RBFOX1: variants seen among roughly 807,000 people sequenced by gnomAD.
RBFOX1 encodes the protein RNA binding fox-1 homolog 1, also known as RNA binding protein fox-1 homolog 1.
A neutral mutation model predicts 57.7 loss-of-function variants in RBFOX1; 8 were observed. The observed-to-expected ratio is 0.14, with a 90% confidence interval of 0.08 to 0.25. The LOEUF (loss-of-function observed/expected upper bound fraction) is 0.25. RBFOX1 is among the 10% of genes least tolerant of loss of function. RBFOX1 has a pLI of 1.00. For missense variants in RBFOX1, 611 were observed against 548.5 expected, an observed-to-expected ratio of 1.11 and a Z score of -1.14; for synonymous variants, 326 against 222.4, an observed-to-expected ratio of 1.47 and a Z score of -4.15.
chr16:5,391,887 G>GTGTA lies in RBFOX1; in HGVS notation c.220-75328_220-75327insGTAT, dbSNP rs1555506707. ...TAAAGAAACTATGGTGTGTGTGTGT[G>GTGTA]TATACACACACACACACACACGCAC... On this transcript the variant is annotated intron_variant, in intron 1 of 2. Transcript: ENST00000585867. Among the ~76,000 whole-genome samples, 125 of 146,658 alleles carry GTGTA rather than the reference G, an allele frequency of 8.5e-4. 2 individuals are homozygous for GTGTA. Among genetic ancestry groups the GTGTA allele is most frequent in the African/African-American group, 2.6e-3 (98 of 38,272 alleles).
At chr16:6,468,544 T>G (rs992062083) in intron 2 of RBFOX1, among the ~76,000 whole-genome samples, 2 of 152,180 alleles carry the variant, frequency 1.3e-5, no homozygotes, top group African/African-American at 4.8e-5. Flanking sequence ...GCACCTTCTG[T>G]TTTATTCAAA....
At chr16:6,614,020 T>C (rs1015666190) in intron 2 of RBFOX1, among the ~76,000 whole-genome samples, 3 of 152,224 alleles carry the variant, frequency 2.0e-5, no homozygotes, top group Non-Finnish European at 4.4e-5. Context: ...AACCAGAGTT[T>C]TTCTTTTGTA....
chr16:5,716,273 A>G (rs2051694840), intron 3 of RBFOX1, among the ~76,000 whole-genome samples: 1 of 152,220 alleles, frequency 6.6e-6, no homozygotes, highest in Non-Finnish European at 1.5e-5. Flanking sequence ...TACCAAGCTA[A>G]TAAGTTCAGG....
Position 5,302,995 on chromosome 16 carries a change from T to C in RBFOX1, c.219+62890T>C, listed in dbSNP as rs373799011. On this transcript the variant is annotated intron_variant, in intron 1 of 2. Coordinates refer to the RBFOX1 transcript ENST00000585867. ...TTTTATTTTCTATTTGTATCCTCCATTCTTTGTTCTTCCGTTTCTCTTTTA... is the reference window on the plus strand; with the variant it reads ...TTTTATTTTCTATTTGTATCCTCCACTCTTTGTTCTTCCGTTTCTCTTTTA... 2.6e-5 allele frequency among the ~76,000 whole-genome samples: 4 copies of C among 152,380 alleles called. No homozygotes were observed. In the South Asian group the frequency reaches 8.3e-4, roughly 32 times the overall value.
At chr16:6,474,460 G>A (rs1277079159) in intron 2 of RBFOX1, among the ~76,000 whole-genome samples, 2 of 152,184 alleles carry the variant, frequency 1.3e-5, no homozygotes, top group Admixed American at 6.5e-5. Context: ...TGTTGTTCAG[G>A]TAATTTAACA....
chr16:5,659,696 G>C (rs1319468533), intron 3 of RBFOX1, among the ~76,000 whole-genome samples: 1 of 152,200 alleles, frequency 6.6e-6, no homozygotes, highest in Non-Finnish European at 1.5e-5. Context: ...TGTGAAAAAA[G>C]TGACATGATT....
intron 3 of RBFOX1, among the ~76,000 whole-genome samples, chr16:6,942,425 C>G (rs1419908230): frequency 2.2e-4 from 34 of 152,100 alleles, no homozygotes; most frequent in Non-Finnish European, 4.4e-5. Flanking sequence ...TCCCAAAATG[C>G]TGGGATTACA....
intron 1 of RBFOX1, among the ~76,000 whole-genome samples, chr16:5,259,073 A>G (rs2062662892): frequency 6.6e-6 from 1 of 152,172 alleles, no homozygotes; most frequent in Non-Finnish European, 1.5e-5. Context: ...ATGCTGATAA[A>G]GCCCATTGTC....
At chr16:5,964,708 A>T (rs2059810847) in intron 4 of RBFOX1, among the ~76,000 whole-genome samples, 2 of 152,034 alleles carry the variant, frequency 1.3e-5, no homozygotes, top group African/African-American at 4.8e-5. Flanking sequence ...TACATATAAC[A>T]TATACACTTA....
chr16:6,378,482 G>C (rs9933812), intron 2 of RBFOX1, among the ~76,000 whole-genome samples: 2,304 of 152,312 alleles, frequency 0.015, 63 homozygotes, highest in African/African-American at 0.053. Flanking sequence ...TGGTCTTGGT[G>C]TTCCATCTTG....
intron 1 of RBFOX1, among the ~76,000 whole-genome samples, chr16:6,264,218 A>T (rs947526104): frequency 6.6e-6 from 1 of 152,064 alleles, no homozygotes; most frequent in Non-Finnish European, 1.5e-5. Context: ...CACTTTGACT[A>T]CCAATTTTGC....
chr16:5,681,217 G>C (rs1382573592), intron 3 of RBFOX1, among the ~76,000 whole-genome samples: 1 of 150,936 alleles, frequency 6.6e-6, no homozygotes, highest in African/African-American at 2.4e-5. Context: ...GGGATCACAG[G>C]TGCCTGCCAC....
At chr16:6,965,509 G>C (rs1568122068) in intron 3 of RBFOX1, among the ~76,000 whole-genome samples, 2 of 152,076 alleles carry the variant, frequency 1.3e-5, no homozygotes, top group East Asian at 1.9e-4. Flanking sequence ...GCTAATTTTT[G>C]TATTTTTAGT....
At chr16:6,314,194 G>A (rs1344059861) in intron 1 of RBFOX1, among the ~76,000 whole-genome samples, 1 of 152,186 alleles carries the variant, frequency 6.6e-6, no homozygotes, top group East Asian at 1.9e-4. Context: ...TCTTGGTGCT[G>A]TAACCCTCTG....
At chr16:5,716,642 C>G (rs2051711621) in intron 3 of RBFOX1, among the ~76,000 whole-genome samples, 1 of 152,232 alleles carries the variant, frequency 6.6e-6, no homozygotes, top group African/African-American at 2.4e-5. Flanking sequence ...TCGTGCAAGA[C>G]AGTGTGGCAA....
intron 3 of RBFOX1, among the ~76,000 whole-genome samples, chr16:7,041,082 A>ATTTTTTTTTTTTTTTTTTTTTTTTTTTTT: frequency 9.1e-6 from 1 of 109,310 alleles, no homozygotes; most frequent in Non-Finnish European, 1.8e-5. Context: ...CGCCCAGCTA[A>ATTTTTTTTTTTTTTTTTTTTTTTTTTTTT]TTTTTTTTTT....
chr16:5,284,212 C>G (rs766781904), intron 1 of RBFOX1, among the ~76,000 whole-genome samples: 2 of 152,172 alleles, frequency 1.3e-5, no homozygotes, highest in Non-Finnish European at 2.9e-5. Flanking sequence ...AAATGTAAGT[C>G]CATTAAACCT....
rs138439671 is a variant in RBFOX1 at position 5,482,040 on chromosome 16, C to A, written c.258+14786C>A. Among the ~76,000 whole-genome samples the A allele has an allele frequency of 1.3e-3, 192 of 152,316 alleles. 1 individual carries two copies. Among genetic ancestry groups the A allele is most frequent in the African/African-American group, 4.5e-3 (187 of 41,576 alleles). On this transcript the variant is annotated intron_variant, in intron 2 of 2. Coordinates refer to the RBFOX1 transcript ENST00000585867. The stretch of plus-strand genomic sequence containing the variant: ...GATACAGTTCAGCCCATAACAGCCT[C>A]TTCTTAGGTAGTGATGACAGGGACC...
At chr16:6,903,489 A>C (rs2068985936) in intron 3 of RBFOX1, among the ~76,000 whole-genome samples, 1 of 152,190 alleles carries the variant, frequency 6.6e-6, no homozygotes, top group African/African-American at 2.4e-5. Flanking sequence ...GTGTTCAGCA[A>C]GTGCTGGTAA....
Sources: allele counts gnomAD v4.1 joint callset (sites outside exome capture counted in the v4.1 genomes callset), GRCh38; gene constraint gnomAD v4.1.1; transcripts MANE v1.5; gene names NCBI Gene and HGNC (gene_info 2026-07-23, HGNC 2026-07-21).